The following XKR9 variants were observed in gnomAD, a reference collection of about 807,000 sequenced individuals.
XKR9 encodes the protein XK related 9, also known as XK-related protein 9.
A neutral mutation model predicts 32.0 loss-of-function variants in XKR9; 32 were observed. The ratio of observed to expected loss-of-function variants is 1.00; its 90% CI spans 0.76 to 1.34. The LOEUF (loss-of-function observed/expected upper bound fraction) is 1.34, where lower values mean the gene tolerates loss of function less well. XKR9 is among the 40% of genes most tolerant of loss of function. The pLI is 0.00. For missense variants in XKR9, 546 were observed against 429.7 expected, an observed-to-expected ratio of 1.27 and a Z score of -2.39; for synonymous variants, 168 against 143.4, an observed-to-expected ratio of 1.17 and a Z score of -1.22.
chr8:70,937,237 A>T, the XKR9 span, among the ~76,000 whole-genome samples: 1 of 152,028 alleles, frequency 6.6e-6, no homozygotes, highest in Non-Finnish European at 1.5e-5. Flanking sequence ...ATCATTATTA[A>T]TATGTTTACT....
At chr8:71,055,859 C>G in the XKR9 span, among the ~76,000 whole-genome samples, 1 of 152,118 alleles carries the variant, frequency 6.6e-6, no homozygotes, top group Non-Finnish European at 1.5e-5. Context: ...TTATATTAAA[C>G]TCAATAATTT....
At chr8:70,824,721 A>G in the XKR9 span, among the ~76,000 whole-genome samples, 2 of 152,022 alleles carry the variant, frequency 1.3e-5, no homozygotes, top group Non-Finnish European at 2.9e-5. Flanking sequence ...TTTTTACCCT[A>G]GGAACATTGG....
intron 2 of XKR9, among the ~76,000 whole-genome samples, chr8:70,769,453 C>A (rs1160364948): frequency 1.3e-5 from 2 of 151,860 alleles, no homozygotes; most frequent in East Asian, 3.9e-4. Context: ...TAATGATGTT[C>A]CCTGTATTTC....
At chr8:70,942,333 T>G in the XKR9 span, among the ~76,000 whole-genome samples, 1 of 152,126 alleles carries the variant, frequency 6.6e-6, no homozygotes, top group Non-Finnish European at 1.5e-5. Flanking sequence ...CTAGGAACAT[T>G]TCCATGATCT....
downstream of XKR9, among the ~76,000 whole-genome samples, chr8:70,737,519 G>A: frequency 8.4e-6 from 1 of 119,498 alleles, no homozygotes. Flanking sequence ...AATAGGAGTG[G>A]TGAGAGAGGG....
chr8:71,025,862 A>G, the XKR9 span, among the ~76,000 whole-genome samples: 1 of 152,156 alleles, frequency 6.6e-6, no homozygotes, highest in Non-Finnish European at 1.5e-5. Context: ...TGCCCTCTCC[A>G]GAGTGATGTT....
the XKR9 span, among the ~76,000 whole-genome samples, chr8:70,835,728 C>T: frequency 6.6e-6 from 1 of 151,952 alleles, no homozygotes; most frequent in Non-Finnish European, 1.5e-5. Flanking sequence ...AGTCATAGTT[C>T]AAATATGTAG....
chr8:70,995,521 C>T, the XKR9 span, among the ~76,000 whole-genome samples: 1 of 152,114 alleles, frequency 6.6e-6, no homozygotes, highest in Non-Finnish European at 1.5e-5. Context: ...CAATACACTT[C>T]CTTGCTCTAA....
the XKR9 span, among the ~76,000 whole-genome samples, chr8:71,002,210 T>G: frequency 2.6e-5 from 4 of 152,006 alleles, no homozygotes; most frequent in African/African-American, 9.7e-5. Flanking sequence ...AATTCTATCA[T>G]GTCCTAATAG....
chr8:70,685,221 C>G (rs1253067316), intron 3 of XKR9, among the ~76,000 whole-genome samples: 4 of 150,260 alleles, frequency 2.7e-5, no homozygotes, highest in Non-Finnish European at 4.4e-5. Flanking sequence ...TGGAAATCAT[C>G]ATTCTCAGTA....
chr8:70,855,331 G>A, the XKR9 span, among the ~76,000 whole-genome samples: 1 of 152,108 alleles, frequency 6.6e-6, no homozygotes, highest in Admixed American at 6.6e-5. Context: ...CATGATGAAT[G>A]CACAAGCCTC....
chr8:70,877,920 GT>G, the XKR9 span, among the ~76,000 whole-genome samples: 1 of 152,192 alleles, frequency 6.6e-6, no homozygotes, highest in Admixed American at 6.5e-5. Context: ...GAAAGGTCGA[GT>G]TACTCACAAA....
chr8:71,026,464 A>AGGACT, the XKR9 span, among the ~76,000 whole-genome samples: 2 of 152,220 alleles, frequency 1.3e-5, no homozygotes, highest in Non-Finnish European at 2.9e-5. Context: ...TTATTCCAGT[A>AGGACT]GGAAGCAAGT....
intron 4 of XKR9, among the ~76,000 whole-genome samples, chr8:70,710,498 C>A (rs1465777462): frequency 6.6e-6 from 1 of 151,968 alleles, no homozygotes. Flanking sequence ...GTCAGGAGTT[C>A]GAGATCAGCC....
At chr8:70,724,081 G>T (rs1016130383) in intron 4 of XKR9, among the ~76,000 whole-genome samples, 1 of 152,050 alleles carries the variant, frequency 6.6e-6, no homozygotes, top group South Asian at 2.1e-4. Context: ...GAGATGCCCT[G>T]CCCAGTGAGA....
At chr8:70,779,407 A>T (rs549855917) in intron 2 of XKR9, among the ~76,000 whole-genome samples, 1 of 152,220 alleles carries the variant, frequency 6.6e-6, no homozygotes, top group Admixed American at 6.6e-5. Context: ...TTGGCCTAAC[A>T]TTCTCTTTTT....
At chr8:71,023,555 G>T in the XKR9 span, among the ~76,000 whole-genome samples, 1 of 152,202 alleles carries the variant, frequency 6.6e-6, no homozygotes, top group Non-Finnish European at 1.5e-5. Flanking sequence ...AGGCACTGGT[G>T]TTAGTGGGCC....
intron 2 of XKR9, among the ~76,000 whole-genome samples, chr8:70,778,037 G>A (rs1341729882): frequency 6.6e-6 from 1 of 152,204 alleles, no homozygotes; most frequent in Non-Finnish European, 1.5e-5. Flanking sequence ...CCATGCCTAT[G>A]TCCTGAGTGG....
chr8:70,793,106 T>C (rs1384693581), downstream of XKR9, among the ~76,000 whole-genome samples: 1 of 152,144 alleles, frequency 6.6e-6, no homozygotes, highest in Non-Finnish European at 1.5e-5. Flanking sequence ...CAGTGTTGTA[T>C]ATGGTGTGAG....
Sources: gnomAD v4.1 joint callset for allele counts (sites outside exome capture counted in the v4.1 genomes callset) on GRCh38, gnomAD v4.1.1 for gene constraint, MANE v1.5 for transcripts, NCBI Gene and HGNC (gene_info 2026-07-23, HGNC 2026-07-21) for gene names.